Variants in GCN1 observed in about 807,000 individuals in gnomAD.
The protein encoded by GCN1 is stalled ribosome sensor GCN1.
GCN1 carries 90 observed loss-of-function variants against 288.4 expected under a neutral mutation model. That is an observed-to-expected ratio of 0.31 (90% CI 0.26 to 0.37). The LOEUF (loss-of-function observed/expected upper bound fraction) is 0.37, where lower values mean the gene tolerates loss of function less well. Ranked by LOEUF, GCN1 falls within the 10% of genes least tolerant of loss-of-function variation. The probability of loss-of-function intolerance (pLI) is 1.00; values close to 1 mark genes in which losing one functional copy is unlikely to be tolerated. For missense variants in GCN1, 2,586 were observed against 3,419.9 expected (o/e 0.76, Z 6.08); for synonymous variants, 1,386 against 1,420.2 (o/e 0.98, Z 0.54).
At position 120,144,572 on chromosome 12, in the gene GCN1, C is replaced by T; in HGVS notation, c.5352+67G>A. On this transcript the variant is annotated intron_variant, in intron 41 of 57. Coordinates refer to ENST00000300648, the MANE Select transcript of GCN1 (RefSeq NM_006836.2). This position sits in a 1 kb window ranked among gnomAD's most constrained non-coding sequence, Gnocchi z 4.7. ...CCCCAGCCAGCAGGGATCTCTAGCT[C>T]TCCAGGTGAGCACTTGCCTCCTGCC... The T allele has an allele frequency of 6.4e-7, 1 of 1,557,918 alleles. No individual in the cohort carries two copies. The highest frequency in any genetic ancestry group is 8.8e-7 in the Non-Finnish European group (1 of 1,136,002).
chr12:120,144,499 G>A lies in GCN1; in HGVS notation c.5353-51C>T, dbSNP rs1594264983. On this transcript the variant is annotated intron_variant, in intron 41 of 57. Coordinates refer to ENST00000300648, the MANE Select transcript of GCN1 (RefSeq NM_006836.2). The surrounding 1 kb of genome is among the most constrained non-coding windows in gnomAD (Gnocchi z 4.7). ...CAGAGCTGCCACCCCCAGGCCCCCA[G>A]CCCAAAAAACATGGGGCTCACTGAA... 2 of 1,588,136 alleles carry A rather than the reference G, an allele frequency of 1.3e-6. No homozygotes were observed. Among genetic ancestry groups the A allele is most frequent in the South Asian group, 1.1e-5 (1 of 88,264 alleles).
At chr12:120,151,104 A>G (rs2139102591) in intron 34 of GCN1, 41 bp downstream of exon 34, 4 of 1,598,590 alleles carry the variant, frequency 2.5e-6, no homozygotes, top group Non-Finnish European at 3.4e-6. Flanking sequence ...CCTGGGGACC[A>G]ACTTCCCATG....
intron 34 of GCN1, among the ~76,000 whole-genome samples, chr12:120,150,805 C>T (rs1466255350): frequency 4.0e-5 from 6 of 151,494 alleles, no homozygotes; most frequent in Admixed American, 6.6e-5. Flanking sequence ...GGCGTGGTGG[C>T]GGGCGCCTGT....
chr12:120,150,103 G>C, intron 34 of GCN1, 60 bp from the exon 35 acceptor site: 1 of 1,577,580 alleles, frequency 6.3e-7, no homozygotes. Flanking sequence ...TAGCCACAGA[G>C]AACAGAAGGG....
At chr12:120,154,495 G>A (rs1358129137) in intron 31 of GCN1, among the ~76,000 whole-genome samples, 1 of 152,214 alleles carries the variant, frequency 6.6e-6, no homozygotes, top group Non-Finnish European at 1.5e-5. Context: ...GTCTTTCAAT[G>A]TCCCAGTTGC....
chr12:120,149,891 T>C (rs1176992575), intron 35 of GCN1, 31 bp downstream of exon 35: 1 of 1,613,760 alleles, frequency 6.2e-7, no homozygotes, highest in Non-Finnish European at 8.5e-7. Context: ...AAAGTTTCCA[T>C]GCTGTTCTCC....
Position 120,153,966 on chromosome 12 carries a change from T to C in GCN1, c.3702-57A>G, listed in dbSNP as rs1246823883. 1.1e-5 allele frequency: 16 copies of C among 1,456,720 alleles called. No homozygotes were observed. The highest frequency in any genetic ancestry group is 2.8e-5 in the African/African-American group (2 of 71,920). 90.2% of individuals were successfully genotyped at this position (1,456,720 alleles called of 1,614,324 possible). A position where few individuals can be genotyped will look rare whatever the true frequency, so the allele number is the denominator to read the frequency against. ...GCAGTCAGGGGGCCTCCTCTGCCAG[T>C]GGAACCTCTGCTGGTGCACGGCAAG... is the stretch of plus-strand genomic sequence containing the variant. On this transcript the variant is annotated intron_variant, in intron 31 of 57. Transcript: ENST00000300648. This position sits in a 1 kb window ranked among gnomAD's most constrained non-coding sequence, Gnocchi z 4.4.
Position 120,173,523 on chromosome 12 carries a change from T to A in GCN1, c.1366+130A>T, listed in dbSNP as rs73412864. On this transcript the variant is annotated intron_variant, in intron 14 of 57. Transcript: ENST00000300648. ...TTTGGGCTAAGCCCAATGCTCTCAT[T>A]TATTTCAGGAAGAATTAAACAGTGC... 329 of 656,880 alleles carry A rather than the reference T, an allele frequency of 5.0e-4. No homozygotes were observed. In the African/African-American group the frequency reaches 5.3e-3, roughly 11 times the overall value. The allele number at this position is 656,880 out of a possible 1,614,324, so 40.7% of individuals were successfully genotyped here.
intron 34 of GCN1, 57 bp from the exon 35 acceptor site, chr12:120,150,100 A>G: frequency 1.3e-5 from 20 of 1,584,896 alleles, no homozygotes; most frequent in Non-Finnish European, 1.7e-5. Context: ...GGGTAGCCAC[A>G]GAGAACAGAA....
intron 3 of GCN1, among the ~76,000 whole-genome samples, 178 bp from the exon 4 acceptor site, chr12:120,184,421 A>G (rs1302373872): frequency 1.3e-5 from 2 of 152,262 alleles, no homozygotes; most frequent in Non-Finnish European, 2.9e-5. Context: ...TAGAGTTCTA[A>G]AAGTATCTCA....
In GCN1 at chr12:120,138,864, G is replaced by A. The variant is rs758168394; in HGVS notation, c.5995-8C>T. On this transcript the variant is annotated splice_polypyrimidine_tract_variant and splice_region_variant and intron_variant, in intron 45 of 57. Transcript: ENST00000300648. ...TTCAGAGAAATACAGCACCTGCAATGGCAAGCTACAACTGTACCAGATGCA... is the reference window on the plus strand; with the variant it reads ...TTCAGAGAAATACAGCACCTGCAATAGCAAGCTACAACTGTACCAGATGCA... The A allele has an allele frequency of 1.2e-6, 2 of 1,604,816 alleles. No individual in the cohort carries two copies. The highest frequency in any genetic ancestry group is 3.4e-5 in the Admixed American group (2 of 59,366).
At position 120,151,219 on chromosome 12, in the gene GCN1, G is replaced by A. The variant is rs1010571973; in HGVS notation, c.4235C>T (p.Ser1412Leu). ...CGCCATCATCTCCTGTTGCTTCAGC[G>A]AGAGGATGCCCAGGCCCTTCACCAG... The part of the protein sequence containing the change: ...AGLVKGLGIL[S>L]LKQQEMMAAL... Residue 1412 changes from serine to leucine, a missense_variant, in exon 34 of 58, where the codon TCG becomes TTG. Ser to Leu is a moderately radical substitution (Grantham distance 145). Around this residue, in one of 8 missense-constraint regions of GCN1, gnomAD observed 371 missense variants for 572.6 expected, o/e 0.65. Coordinates refer to ENST00000300648, the MANE Select transcript of GCN1 (RefSeq NM_006836.2). 16 of 1,613,984 alleles carry A rather than the reference G, an allele frequency of 9.9e-6. No individual in the cohort carries two copies. The highest frequency in any genetic ancestry group is 2.2e-5 in the South Asian group (2 of 91,090).
chr12:120,178,530 T>A lies in GCN1; in HGVS notation c.660+95A>T, dbSNP rs773904732. 2.9e-4 allele frequency: 374 copies of A among 1,269,068 alleles called. 2 individuals carry two copies. Among genetic ancestry groups the A allele is most frequent in the Non-Finnish European group, 4.1e-4 (363 of 875,994 alleles). The allele number at this position is 1,269,068 out of a possible 1,614,324, so 78.6% of individuals were successfully genotyped here. A position where few individuals can be genotyped will look rare whatever the true frequency, so the allele number is the denominator to read the frequency against. The stretch of plus-strand genomic sequence containing the variant: ...TTTCAGATAAGGTCAACAGCTAGGG[T>A]CACCAGGGCAAAGCAGGTTCCCATT... On this transcript the variant is annotated intron_variant, in intron 7 of 57. Transcript: ENST00000300648.
chr12:120,174,194 T>A (rs1438492455), intron 12 of GCN1, 25 bp from the exon 13 acceptor site: 3 of 1,318,678 alleles, frequency 2.3e-6, no homozygotes, highest in Non-Finnish European at 1.1e-6. Context: ...CCCTGTTCAG[T>A]CTCTTATCAG....
intron 44 of GCN1, among the ~76,000 whole-genome samples, chr12:120,141,880 A>C (rs139753204): frequency 2.0e-3 from 306 of 152,352 alleles, no homozygotes; most frequent in South Asian, 3.5e-3. Context: ...CACTGGCCAC[A>C]GTCGCATTTT....
At position 120,153,956 on chromosome 12, in the gene GCN1, C is replaced by T. The variant is rs745580820; in HGVS notation, c.3702-47G>A. ...ATCAGGAGGGGCAGTCAGGGGGCCT[C>T]CTCTGCCAGTGGAACCTCTGCTGGT... On this transcript the variant is annotated intron_variant, in intron 31 of 57. Transcript: ENST00000300648. This position sits in a 1 kb window ranked among gnomAD's most constrained non-coding sequence, Gnocchi z 4.4. 5 of 1,542,550 alleles carry T rather than the reference C, an allele frequency of 3.2e-6. No homozygotes were observed. The highest frequency in any genetic ancestry group is 2.7e-6 in the Non-Finnish European group (3 of 1,125,912).
At chr12:120,183,455 G>C (rs903841714) in intron 5 of GCN1, 114 bp downstream of exon 5, 1 of 724,570 alleles carries the variant, frequency 1.4e-6, no homozygotes, top group Non-Finnish European at 2.5e-6. Context: ...ACAACTCAGA[G>C]TGTCTGGTCA....
At chr12:120,147,389 G>C in intron 37 of GCN1, 117 bp from the exon 38 acceptor site, 1 of 480,506 alleles carries the variant, frequency 2.1e-6, no homozygotes, top group African/African-American at 1.9e-5. Flanking sequence ...CCTCCTCCCT[G>C]AAACCCCACA....
At chr12:120,194,613 C>T (rs1476827926) in intron 1 of GCN1, 67 bp downstream of exon 1, 21 of 1,433,590 alleles carry the variant, frequency 1.5e-5, no homozygotes, top group Non-Finnish European at 1.9e-5. Context: ...GCGAGAGGGG[C>T]CCCGCCCGAC....
Sources: gnomAD v4.1 joint callset for allele counts (sites outside exome capture counted in the v4.1 genomes callset) on GRCh38, gnomAD v4.1.1 for gene constraint, gnomAD v4.1.1 regional missense constraint, Gnocchi (gnomAD v3.1) non-coding constraint, MANE v1.5 for transcripts, NCBI Gene and HGNC (gene_info 2026-07-23, HGNC 2026-07-21) for gene names.